The following GSE1 variants were observed in gnomAD, a reference collection of about 807,000 sequenced individuals.
GSE1 encodes the protein Gse1 coiled-coil protein.
In GSE1, 32 loss-of-function variants were observed where a neutral mutation model predicts 112.6. That is an observed-to-expected ratio of 0.28 (90% CI 0.21 to 0.38). The LOEUF is 0.38. Ranked by LOEUF, GSE1 falls within the 10% of genes least tolerant of loss-of-function variation. The pLI, the probability that GSE1 is intolerant of heterozygous loss-of-function variation, is 1.00. For synonymous variants in GSE1, 1,115 were observed against 735.6 expected, an observed-to-expected ratio of 1.52 and a Z score of -8.35; for missense variants, 2,348 against 1,699.2, an observed-to-expected ratio of 1.38 and a Z score of -6.71.
At chr16:85,306,647 C>G (rs759237994) in intron 1 of GSE1, among the ~76,000 whole-genome samples, 17 of 152,174 alleles carry the variant, frequency 1.1e-4, no homozygotes, top group Non-Finnish European at 1.9e-4. Context: ...CTCCTGGGTT[C>G]AAGCGATCCT....
Position 85,654,856 on chromosome 16 carries a change from G to A in GSE1, c.662G>A (p.Ser221Asn). The change falls in exon 5 of 16, where the codon AGC becomes AAC. Residue 221 changes from serine to asparagine, a missense_variant. Coordinates refer to ENST00000253458, the MANE Select transcript of GSE1 (RefSeq NM_014615.5). ...ACCGTGACCGAGGACTACCTGAGAA[G>A]CTTCCGGCCCTACCACACCACCGAC... ...PSTVTEDYLRSFRPYHTTDDL... is the reference protein window; with the variant it reads ...PSTVTEDYLRNFRPYHTTDDL... The A allele has an allele frequency of 1.9e-6, 3 of 1,611,922 alleles. No individual in the cohort carries two copies. Among genetic ancestry groups the A allele is most frequent in the African/African-American group, 2.7e-5 (2 of 74,912 alleles).
intron 1 of GSE1, chr16:85,283,589 G>A (rs2968427): frequency 0.34 from 51,095 of 152,374 alleles, 8,938 homozygotes; most frequent in Non-Finnish European, 0.41. Flanking sequence ...CGTCCTCAGT[G>A]CTCTCCCTGG....
chr16:85,404,336 C>CT (rs200992011), intron 2 of GSE1, among the ~76,000 whole-genome samples: 31 of 64,852 alleles, frequency 4.8e-4, no homozygotes, highest in African/African-American at 5.7e-4. Flanking sequence ...CAGGGCCCCC[C>CT]GGATAATCCT....
intron 1 of GSE1, among the ~76,000 whole-genome samples, chr16:85,572,117 CG>C (rs2046011466): frequency 6.8e-6 from 1 of 148,038 alleles, no homozygotes; most frequent in Admixed American, 6.7e-5. Flanking sequence ...CCACACACAA[CG>C]CACACACACA....
chr16:85,401,156 A>T (rs4255771), intron 2 of GSE1, among the ~76,000 whole-genome samples: 3 of 152,246 alleles, frequency 2.0e-5, no homozygotes, highest in African/African-American at 7.2e-5. Flanking sequence ...GGGGAGGGGC[A>T]ATGGGGGCCC....
intron 1 of GSE1, among the ~76,000 whole-genome samples, chr16:85,212,560 A>G (rs978455041): frequency 1.3e-5 from 2 of 152,214 alleles, no homozygotes; most frequent in African/African-American, 4.8e-5. Context: ...CAGCGTTTTC[A>G]GGCTAAGGAG....
At chr16:85,421,663 G>C (rs1021659023) in intron 2 of GSE1, among the ~76,000 whole-genome samples, 1 of 152,088 alleles carries the variant, frequency 6.6e-6, no homozygotes, top group Non-Finnish European at 1.5e-5. Context: ...TGGGGGCGTC[G>C]GGGGTGCTTC....
intron 2 of GSE1, among the ~76,000 whole-genome samples, chr16:85,426,799 C>G (rs1267572296): frequency 6.6e-6 from 1 of 152,154 alleles, no homozygotes; most frequent in Non-Finnish European, 1.5e-5. Flanking sequence ...TTTCCAGTCA[C>G]TGGGAGTGTG....
At chr16:85,524,069 C>T (rs1205652550) in intron 2 of GSE1, among the ~76,000 whole-genome samples, 1 of 152,188 alleles carries the variant, frequency 6.6e-6, no homozygotes, top group African/African-American at 2.4e-5. Flanking sequence ...GCTGCTGCAG[C>T]CAGGAGCCCC....
chr16:85,408,783 C>G (rs372833894), intron 2 of GSE1, among the ~76,000 whole-genome samples: 1 of 65,516 alleles, frequency 1.5e-5, no homozygotes, highest in East Asian at 5.9e-4. Context: ...CACTCAGGGT[C>G]CCTCTGATAA....
intron 1 of GSE1, among the ~76,000 whole-genome samples, chr16:85,572,017 A>T (rs55992220): frequency 1.1e-4 from 16 of 151,880 alleles, no homozygotes; most frequent in African/African-American, 2.9e-4. Context: ...ATGCATACGT[A>T]GAACACATAG....
intron 2 of GSE1, among the ~76,000 whole-genome samples, chr16:85,545,531 C>G (rs984477830): frequency 6.6e-6 from 1 of 152,186 alleles, no homozygotes; most frequent in African/African-American, 2.4e-5. Flanking sequence ...TCCGACTTCT[C>G]TGAGTTCCAG....
intron 1 of GSE1, among the ~76,000 whole-genome samples, chr16:85,197,940 G>C (rs576823489): frequency 6.6e-6 from 1 of 152,190 alleles, no homozygotes; most frequent in African/African-American, 2.4e-5. Context: ...TGGATGTGTG[G>C]TGAGCACGCA....
At chr16:85,662,323 G>A (rs2052502773) in intron 9 of GSE1, 2 of 154,790 alleles carry the variant, frequency 1.3e-5, no homozygotes, top group Admixed American at 6.4e-5. Context: ...GAGCAGGCGA[G>A]AGTGTGCAGA....
Position 85,672,796 on chromosome 16 carries a change from C to T in GSE1, c.*257C>T, listed in dbSNP as rs928074665. The T allele has an allele frequency of 2.4e-5, 7 of 286,558 alleles. No individual in the cohort carries two copies. The highest frequency in any genetic ancestry group is 1.3e-4 in the African/African-American group (6 of 45,942). The allele number at this position is 286,558 out of a possible 1,614,324, so 17.8% of individuals were successfully genotyped here. On this transcript the variant is annotated 3_prime_UTR_variant, in exon 16 of 16. Transcript: ENST00000253458. ...TTTTCTTTTTAAAGGTGGTTTTCGC[C>T]CTTCCTCTCCCACATTATTTCTTAA...
At chr16:85,461,357 C>G (rs1037111255) in intron 2 of GSE1, among the ~76,000 whole-genome samples, 3 of 152,188 alleles carry the variant, frequency 2.0e-5, no homozygotes, top group African/African-American at 7.2e-5. Flanking sequence ...GGGGGACAAC[C>G]CCCACTCCCC....
At chr16:85,249,523 C>T (rs537869301) in intron 1 of GSE1, among the ~76,000 whole-genome samples, 13 of 152,304 alleles carry the variant, frequency 8.5e-5, no homozygotes, top group Non-Finnish European at 1.9e-4. Flanking sequence ...GGGCGCGCCT[C>T]TCTCCAAAGG....
chr16:85,180,486 C>T lies in GSE1; in HGVS notation c.2283+8679C>T, dbSNP rs76841950. ...CTCTGATGAGAGCTGCAAGGGGACG[C>T]CAGTGTCAGTGGCAGCAGCAGAGGG... On this transcript the variant is annotated intron_variant, in intron 1 of 2. Transcript: ENST00000637419. Among the ~76,000 whole-genome samples, 48 of 152,362 alleles carry T rather than the reference C, an allele frequency of 3.2e-4. No individual in the cohort carries two copies. The East Asian group carries it at 8.9e-3, about 28-fold the overall frequency.
chr16:85,295,078 A>C (rs1484230798), intron 1 of GSE1, among the ~76,000 whole-genome samples: 3 of 151,944 alleles, frequency 2.0e-5, no homozygotes, highest in Non-Finnish European at 4.4e-5. Flanking sequence ...CCACCTCCTA[A>C]TACCATCACC....
Sources: gnomAD v4.1 joint callset for allele counts (sites outside exome capture counted in the v4.1 genomes callset) on GRCh38, gnomAD v4.1.1 for gene constraint, MANE v1.5 for transcripts, NCBI Gene and HGNC (gene_info 2026-07-23, HGNC 2026-07-21) for gene names.